The following KDELR3 variants were observed in gnomAD, a reference collection of about 807,000 sequenced individuals.
The protein encoded by KDELR3 is ER lumen protein-retaining receptor 3.
Under a neutral mutation model 22.7 loss-of-function variants are expected in KDELR3, and 26 were observed. The ratio of observed to expected loss-of-function variants is 1.15; its 90% CI spans 0.84 to 1.59. The LOEUF (loss-of-function observed/expected upper bound fraction) is 1.59. Ranked by LOEUF, KDELR3 falls within the 40% of genes most tolerant of loss-of-function variation. The probability of loss-of-function intolerance (pLI) is 0.00; values close to 1 mark genes in which losing one functional copy is unlikely to be tolerated. For synonymous variants in KDELR3, 120 were observed against 98.2 expected, an observed-to-expected ratio of 1.22 and a Z score of -1.31; for missense variants, 289 against 251.1, an observed-to-expected ratio of 1.15 and a Z score of -1.02.
At chr22:38,480,484 A>G (rs747709014) in intron 3 of KDELR3, among the ~76,000 whole-genome samples, 87 of 152,180 alleles carry the variant, frequency 5.7e-4, no homozygotes, top group Admixed American at 9.2e-4. Flanking sequence ...ATTTTATACT[A>G]TGAAACTATC....
chr22:38,469,080 G>GGGCTGAGGA (rs1440966118), intron 1 of KDELR3, among the ~76,000 whole-genome samples: 10 of 152,238 alleles, frequency 6.6e-5, no homozygotes, highest in Non-Finnish European at 2.9e-5. Context: ...GCTCCTCGTG[G>GGGCTGAGGA]GGCTGAGGAG....
At chr22:38,480,496 T>C (rs893782564) in intron 3 of KDELR3, among the ~76,000 whole-genome samples, 1 of 152,052 alleles carries the variant, frequency 6.6e-6, no homozygotes, top group African/African-American at 2.4e-5. Context: ...GAAACTATCA[T>C]TTAAGTTATT....
intron 2 of KDELR3, among the ~76,000 whole-genome samples, chr22:38,479,016 T>G (rs2089579965): frequency 6.6e-6 from 1 of 151,952 alleles, no homozygotes; most frequent in Non-Finnish European, 1.5e-5. Context: ...CAAAATGAAA[T>G]CATTATATGC....
In KDELR3 at chr22:38,479,763, G is replaced by A; in HGVS notation, c.351+12G>A. 6.2e-7 allele frequency: 1 copy of A among 1,613,802 alleles called. No individual in the cohort carries two copies. The highest frequency in any genetic ancestry group is 1.6e-4 in the Middle Eastern group (1 of 6,062). On this transcript the variant is annotated intron_variant, in intron 3 of 4. Coordinates refer to ENST00000216014, the MANE Select transcript of KDELR3 (RefSeq NM_006855.4). Reference sequence around the variant, plus strand: ...TCACTCTGCTGGAGGTAAGGGAATGGACTGAGTACCAGTTCTCAAAGGGAA... The same window carrying A: ...TCACTCTGCTGGAGGTAAGGGAATGAACTGAGTACCAGTTCTCAAAGGGAA...
Position 38,479,635 on chromosome 22 carries a change from T to C in KDELR3, c.235T>C (p.Tyr79His), listed in dbSNP as rs775563815. Residue 79 changes from tyrosine to histidine, a missense_variant, in exon 3 of 5, where the codon TAT becomes CAT. Transcript: ENST00000216014. ...LCAYVTVYMI[Y>H]GKFRKTFDSE... ...TGCCTATGTTACAGTGTACATGATATATGGGAAATTCCGTAAAACTTTTGA... is the reference window on the plus strand; with the variant it reads ...TGCCTATGTTACAGTGTACATGATACATGGGAAATTCCGTAAAACTTTTGA... 1.5e-5 allele frequency: 24 copies of C among 1,613,886 alleles called. No homozygotes were observed. Among genetic ancestry groups the C allele is most frequent in the Non-Finnish European group, 2.0e-5 (24 of 1,179,850 alleles).
At position 38,468,121 on chromosome 22, in the gene KDELR3, G is replaced by A; in HGVS notation, c.-113G>A. ...GCGATCGCGGAGCTGTGAGGCGCAGGCAGGGCTCTGGGGCACCTAGAGACC... is the reference window on the plus strand; with the variant it reads ...GCGATCGCGGAGCTGTGAGGCGCAGACAGGGCTCTGGGGCACCTAGAGACC... On this transcript the variant is annotated 5_prime_UTR_variant, in exon 1 of 5. Coordinates refer to ENST00000216014, the MANE Select transcript of KDELR3 (RefSeq NM_006855.4). The A allele has an allele frequency of 2.3e-6, 2 of 877,226 alleles. No homozygotes were observed. Among genetic ancestry groups the A allele is most frequent in the Non-Finnish European group, 3.7e-6 (2 of 545,022 alleles). The allele number at this position is 877,226 out of a possible 1,614,324, so 54.3% of individuals were successfully genotyped here. A position where few individuals can be genotyped will look rare whatever the true frequency, so the allele number is the denominator to read the frequency against.
chr22:38,468,915 T>C (rs979106784), intron 1 of KDELR3, among the ~76,000 whole-genome samples: 11 of 151,546 alleles, frequency 7.3e-5, no homozygotes, highest in African/African-American at 2.7e-4. Flanking sequence ...CTGCTGGGGG[T>C]TTGGAGAAGC....
chr22:38,471,156 C>CA (rs1038371661), intron 1 of KDELR3, among the ~76,000 whole-genome samples: 10 of 152,064 alleles, frequency 6.6e-5, no homozygotes, highest in African/African-American at 2.4e-4. Context: ...AACAAACAAA[C>CA]AAGCAAAACA....
chr22:38,480,626 G>C (rs921784904), intron 3 of KDELR3, among the ~76,000 whole-genome samples: 2 of 151,922 alleles, frequency 1.3e-5, no homozygotes, highest in African/African-American at 2.4e-5. Flanking sequence ...GGTGGCAGGC[G>C]CCTGTAGTCT....
chr22:38,474,315 A>G (rs772263910), intron 1 of KDELR3: 6 of 509,062 alleles, frequency 1.2e-5, no homozygotes, highest in African/African-American at 2.0e-5. Context: ...GACAGATTAC[A>G]GTTTAATGAG....
intron 2 of KDELR3, among the ~76,000 whole-genome samples, chr22:38,478,443 G>C (rs2089574485): frequency 6.8e-6 from 1 of 147,694 alleles, no homozygotes; most frequent in African/African-American, 2.5e-5. Flanking sequence ...GCTGAGGCAG[G>C]AGAATCACTT....
intron 2 of KDELR3, among the ~76,000 whole-genome samples, chr22:38,476,114 TAG>T (rs770375634): frequency 8.7e-5 from 13 of 149,768 alleles, no homozygotes; most frequent in Non-Finnish European, 1.9e-4. Context: ...GTATTTTTAA[TAG>T]AGACAAGATT....
chr22:38,481,138 T>C (rs1049200436), intron 3 of KDELR3, 74 bp from the exon 4 acceptor site: 46 of 1,305,184 alleles, frequency 3.5e-5, no homozygotes, highest in Non-Finnish European at 4.7e-5. Flanking sequence ...GCTATTGTTT[T>C]AGTAATTATG....
In KDELR3 at chr22:38,483,305, G is replaced by GT. The variant is rs1350758251; in HGVS notation, c.*775dup. On this transcript the variant is annotated 3_prime_UTR_variant, in exon 5 of 5. Transcript: ENST00000216014. ...TTTTCAATTCCAATTCTTGTATTAA[G>GT]TTTTTTCCTTTCAGTTTTAGGTGCG... is the stretch of plus-strand genomic sequence containing the variant. 1 of 150,632 alleles carries GT rather than the reference G, an allele frequency of 6.6e-6. No homozygotes were observed. Among genetic ancestry groups the GT allele is most frequent in the Non-Finnish European group, 1.5e-5 (1 of 67,998 alleles). 9.3% of individuals were successfully genotyped at this position (150,632 alleles called of 1,614,324 possible). A position where few individuals can be genotyped will look rare whatever the true frequency, so the allele number is the denominator to read the frequency against.
In KDELR3 at chr22:38,468,098, G is replaced by C; in HGVS notation, c.-136G>C. Reference sequence around the variant, plus strand: ...TGCGTGGGCGGCGGCGCGCGGGTGCGATCGCGGAGCTGTGAGGCGCAGGCA... The same window carrying C: ...TGCGTGGGCGGCGGCGCGCGGGTGCCATCGCGGAGCTGTGAGGCGCAGGCA... On this transcript the variant is annotated 5_prime_UTR_variant, in exon 1 of 5. Coordinates refer to ENST00000216014, the MANE Select transcript of KDELR3 (RefSeq NM_006855.4). 4.1e-6 allele frequency: 3 copies of C among 724,966 alleles called. No homozygotes were observed. Among genetic ancestry groups the C allele is most frequent in the Non-Finnish European group, 4.6e-6 (2 of 434,814 alleles). The allele number at this position is 724,966 out of a possible 1,614,324, so 44.9% of individuals were successfully genotyped here.
chr22:38,469,833 ATTTTTT>A (rs1405402820), intron 1 of KDELR3, among the ~76,000 whole-genome samples: 9 of 152,088 alleles, frequency 5.9e-5, no homozygotes, highest in Admixed American at 2.0e-4. Flanking sequence ...TTTTATTTTT[ATTTTTT>A]AACAGAGTTT....
At chr22:38,471,664 A>G (rs2089525919) in intron 1 of KDELR3, among the ~76,000 whole-genome samples, 1 of 152,134 alleles carries the variant, frequency 6.6e-6, no homozygotes, top group Admixed American at 6.5e-5. Flanking sequence ...CTTCTTGCTC[A>G]TTAAAAATGT....
chr22:38,475,766 T>C (rs2089553713), intron 2 of KDELR3, among the ~76,000 whole-genome samples: 1 of 152,194 alleles, frequency 6.6e-6, no homozygotes, highest in Admixed American at 6.5e-5. Context: ...CCCAAGTAGC[T>C]GGGACTACAG....
In KDELR3 at chr22:38,479,688, G is replaced by A. The variant is rs1284356102; in HGVS notation, c.288G>A (p.Glu96=). The A allele has an allele frequency of 5.0e-6, 8 of 1,614,070 alleles. No individual in the cohort carries two copies. The highest frequency in any genetic ancestry group is 1.1e-5 in the South Asian group (1 of 91,090). The change falls in exon 3 of 5, where the codon GAG becomes GAA. Residue 96 remains glutamate, a synonymous_variant. Coordinates refer to ENST00000216014, the MANE Select transcript of KDELR3 (RefSeq NM_006855.4). Reference sequence around the variant, plus strand: ...GTGAGAATGACACATTCCGCCTGGAGTTTCTTCTGGTCCCAGTCATTGGCC... The same window carrying A: ...GTGAGAATGACACATTCCGCCTGGAATTTCTTCTGGTCCCAGTCATTGGCC... ...FDSENDTFRL[E]FLLVPVIGLS... is the part of the protein sequence containing the mutation.
Sources: allele counts gnomAD v4.1 joint callset (sites outside exome capture counted in the v4.1 genomes callset), GRCh38; gene constraint gnomAD v4.1.1; transcripts MANE v1.5; gene names NCBI Gene and HGNC (gene_info 2026-07-23, HGNC 2026-07-21).